The following TULP3 variants were observed in gnomAD, a reference collection of about 807,000 sequenced individuals.
The protein encoded by TULP3 is tubby-related protein 3.
A neutral mutation model predicts 50.7 loss-of-function variants in TULP3; 38 were observed. That is an observed-to-expected ratio of 0.75 (90% confidence interval 0.58 to 0.98). TULP3 has a LOEUF of 0.98. Ranked by LOEUF, TULP3 falls within the 50% of genes least tolerant of loss-of-function variation. The pLI, the probability that TULP3 is intolerant of heterozygous loss-of-function variation, is 0.00. For synonymous variants in TULP3, 183 were observed against 196.6 expected, an observed-to-expected ratio of 0.93 and a Z score of 0.58; for missense variants, 550 against 568.0, an observed-to-expected ratio of 0.97 and a Z score of 0.32.
At chr12:2,937,560 C>T in intron 8 of TULP3, 71 bp from the exon 9 acceptor site, 1 of 1,074,014 alleles carries the variant, frequency 9.3e-7, no homozygotes, top group Non-Finnish European at 1.4e-6. Flanking sequence ...AAGAAAGTCT[C>T]ATGTTATAAA....
chr12:2,908,516 C>T (rs903463937), intron 1 of TULP3, among the ~76,000 whole-genome samples: 2 of 152,090 alleles, frequency 1.3e-5, no homozygotes, highest in African/African-American at 4.8e-5. Context: ...TTCTCCACCT[C>T]CCCGGTTCAA....
At chr12:2,924,241 C>G (rs537676419) in intron 4 of TULP3, among the ~76,000 whole-genome samples, 1 of 152,222 alleles carries the variant, frequency 6.6e-6, no homozygotes, top group Non-Finnish European at 1.5e-5. Context: ...GGAAGAGGTG[C>G]TGGCCAGTTC....
At chr12:2,901,313 T>TTTC (rs1016326244) in intron 1 of TULP3, among the ~76,000 whole-genome samples, 1 of 23,734 alleles carries the variant, frequency 4.2e-5, no homozygotes, top group African/African-American at 1.8e-4. Flanking sequence ...TCTTTCTTTC[T>TTTC]TTTTTTTTTT....
chr12:2,917,876 C>A (rs1418982236), intron 2 of TULP3, among the ~76,000 whole-genome samples: 2 of 146,662 alleles, frequency 1.4e-5, no homozygotes, highest in Non-Finnish European at 1.5e-5. Flanking sequence ...GACTCTGTCT[C>A]AAAAAAAAAA....
At chr12:2,926,883 G>T (rs2098195001) in intron 4 of TULP3, among the ~76,000 whole-genome samples, 8 of 152,112 alleles carry the variant, frequency 5.3e-5, no homozygotes, top group Admixed American at 5.2e-4. Flanking sequence ...CTCCAGTCTG[G>T]GCTACAAGAG....
intron 1 of TULP3, among the ~76,000 whole-genome samples, chr12:2,891,246 C>A (rs1453901824): frequency 6.6e-6 from 1 of 152,154 alleles, no homozygotes; most frequent in Non-Finnish European, 1.5e-5. Flanking sequence ...TTAGGAACTT[C>A]TGGAGTTTTC....
chr12:2,920,513 A>C (rs1214910641), intron 2 of TULP3, among the ~76,000 whole-genome samples: 1 of 152,124 alleles, frequency 6.6e-6, no homozygotes, highest in Non-Finnish European at 1.5e-5. Context: ...GTCTCAAAAA[A>C]AAGAAAAAAA....
In TULP3 at chr12:2,940,739, T is replaced by C. The variant is rs893907575; in HGVS notation, c.*1295T>C. On this transcript the variant is annotated 3_prime_UTR_variant, in exon 11 of 11. Coordinates refer to ENST00000448120, the MANE Select transcript of TULP3 (RefSeq NM_003324.5). ...GATAAGCATGTGAAGGAGGGCCAAC[T>C]GGCAGCTGCGGGACCCTTGGCTTGT... 6.7e-5 allele frequency: 104 copies of C among 1,544,916 alleles called. No individual in the cohort carries two copies. Among genetic ancestry groups the C allele is most frequent in the Non-Finnish European group, 8.9e-5 (102 of 1,143,152 alleles).
chr12:2,899,525 G>A (rs1263908605), intron 1 of TULP3, among the ~76,000 whole-genome samples: 1 of 152,022 alleles, frequency 6.6e-6, no homozygotes, highest in Non-Finnish European at 1.5e-5. Flanking sequence ...AGAGAGCATT[G>A]AAGATTGTTT....
intron 2 of TULP3, among the ~76,000 whole-genome samples, chr12:2,914,804 T>C (rs915478550): frequency 1.3e-5 from 2 of 151,870 alleles, no homozygotes; most frequent in Non-Finnish European, 2.9e-5. Flanking sequence ...GGCTAATTTT[T>C]GTATTTTTCG....
chr12:2,937,602 A>G (rs2098202142), intron 8 of TULP3, 29 bp from the exon 9 acceptor site: 4 of 1,541,578 alleles, frequency 2.6e-6, no homozygotes, highest in Middle Eastern at 1.7e-4. Context: ...TCCTGTTTCC[A>G]AGTTCTGCTT....
chr12:2,926,449 CA>C (rs2098194727), intron 4 of TULP3, among the ~76,000 whole-genome samples: 1 of 152,216 alleles, frequency 6.6e-6, no homozygotes, highest in Admixed American at 6.5e-5. Flanking sequence ...TTGGCCACTG[CA>C]CTCCCACCTG....
chr12:2,940,340 G>C lies in TULP3; in HGVS notation c.*896G>C. 1 of 1,448,634 alleles carries C rather than the reference G, an allele frequency of 6.9e-7. No individual in the cohort carries two copies. The allele number at this position is 1,448,634 out of a possible 1,614,324, so 89.7% of individuals were successfully genotyped here. A position where few individuals can be genotyped will look rare whatever the true frequency, so the allele number is the denominator to read the frequency against. On this transcript the variant is annotated 3_prime_UTR_variant, in exon 11 of 11. Transcript: ENST00000448120. Reference sequence around the variant, plus strand: ...TTTAGTTAAAAAAAAAAAAAAAAAGGTGGCAGGAGAGGCTTTGGGGAGGAT... The same window carrying C: ...TTTAGTTAAAAAAAAAAAAAAAAAGCTGGCAGGAGAGGCTTTGGGGAGGAT...
rs1355827629 is a variant in TULP3 at position 2,939,056 on chromosome 12, A to C, written c.1196-255A>C. 6.6e-6 allele frequency among the ~76,000 whole-genome samples: 1 copy of C among 151,922 alleles called. No individual in the cohort carries two copies. Among genetic ancestry groups the C allele is most frequent in the Non-Finnish European group, 1.5e-5 (1 of 67,974 alleles). On this transcript the variant is annotated intron_variant, in intron 10 of 10. Transcript: ENST00000448120. The surrounding 1 kb of genome is among the most constrained non-coding windows in gnomAD (Gnocchi z 4.0). ...AGCTTGAGCAACATAGTGAGACCCT[A>C]TCTTCACAAAAAGTAAAATATTAGC...
intron 4 of TULP3, among the ~76,000 whole-genome samples, chr12:2,929,345 T>C (rs2098196580): frequency 6.6e-6 from 1 of 152,138 alleles, no homozygotes; most frequent in East Asian, 1.9e-4. Flanking sequence ...GGTGTAATTC[T>C]GTCACCCAGG....
chr12:2,937,244 C>T (rs2098201849), intron 8 of TULP3, among the ~76,000 whole-genome samples: 1 of 95,608 alleles, frequency 1.0e-5, no homozygotes, highest in Admixed American at 1.8e-4. Flanking sequence ...GAGGCAGAGT[C>T]TCACTCTTGT....
chr12:2,911,109 G>C (rs1363403563), intron 2 of TULP3, among the ~76,000 whole-genome samples: 2 of 151,106 alleles, frequency 1.3e-5, no homozygotes, highest in African/African-American at 4.9e-5. Flanking sequence ...TTTTAAGGTG[G>C]CCCTAATATT....
In TULP3 at chr12:2,939,987, A is replaced by G; in HGVS notation, c.*543A>G. 4.7e-6 allele frequency: 6 copies of G among 1,280,554 alleles called. No individual in the cohort carries two copies. Among genetic ancestry groups the G allele is most frequent in the South Asian group, 1.2e-5 (1 of 80,914 alleles). 79.3% of individuals were successfully genotyped at this position (1,280,554 alleles called of 1,614,324 possible). ...ACTTGCAGTAGAATCAGGGACTGAC[A>G]TCGCAGTTCCTCTCCTCTCTTCATT... is the stretch of plus-strand genomic sequence containing the variant. On this transcript the variant is annotated 3_prime_UTR_variant, in exon 11 of 11. Coordinates refer to ENST00000448120, the MANE Select transcript of TULP3 (RefSeq NM_003324.5). This position sits in a 1 kb window ranked among gnomAD's most constrained non-coding sequence, Gnocchi z 4.0.
intron 2 of TULP3, among the ~76,000 whole-genome samples, chr12:2,918,189 CG>C: frequency 6.6e-6 from 1 of 152,212 alleles, no homozygotes; most frequent in Middle Eastern, 3.4e-3. Context: ...TCTCGGCTCA[CG>C]GCAACCTCTG....
Sources: allele counts gnomAD v4.1 joint callset (sites outside exome capture counted in the v4.1 genomes callset), GRCh38; gene constraint gnomAD v4.1.1; non-coding constraint Gnocchi (gnomAD v3.1); transcripts MANE v1.5; gene names NCBI Gene and HGNC (gene_info 2026-07-23, HGNC 2026-07-21).